The following NEGR1 variants were observed in gnomAD, a reference collection of about 807,000 sequenced individuals.
NEGR1 encodes the protein IgLON family member 4.
In NEGR1, 10 loss-of-function variants were observed where a neutral mutation model predicts 40.9. The ratio of observed to expected loss-of-function variants is 0.24; its 90% CI spans 0.15 to 0.42. The LOEUF (loss-of-function observed/expected upper bound fraction) is 0.42. Among genes scored for constraint, NEGR1 ranks in the 10% least tolerant of loss-of-function variants. The pLI is 1.00. For missense variants in NEGR1, 352 were observed against 438.9 expected, an observed-to-expected ratio of 0.80 and a Z score of 1.77; for synonymous variants, 185 against 166.8, an observed-to-expected ratio of 1.11 and a Z score of -0.84.
Position 71,548,281 on chromosome 1 carries a change from G to A in NEGR1, c.940+44536C>T, listed in dbSNP as rs536985782. ...ATTTTCTGGAGATGGGGCTGATTCTGTAGGCTCAGGGATCCTTTCTGTAGC... is the reference window on the plus strand; with the variant it reads ...ATTTTCTGGAGATGGGGCTGATTCTATAGGCTCAGGGATCCTTTCTGTAGC... On this transcript the variant is annotated intron_variant, in intron 6 of 6. Coordinates refer to ENST00000357731, the MANE Select transcript of NEGR1 (RefSeq NM_173808.3). Among the ~76,000 whole-genome samples, 10 of 151,800 alleles carry A rather than the reference G, an allele frequency of 6.6e-5. No individual in the cohort carries two copies. The South Asian group carries it at 1.9e-3, about 28-fold the overall frequency.
intron 3 of NEGR1, among the ~76,000 whole-genome samples, chr1:71,709,032 T>C (rs1177579095): frequency 2.0e-5 from 3 of 152,196 alleles, no homozygotes; most frequent in African/African-American, 7.2e-5. Context: ...TGCTATTATA[T>C]TATAAACAGT....
intron 3 of NEGR1, among the ~76,000 whole-genome samples, chr1:71,737,083 T>C (rs1226905613): frequency 6.6e-6 from 1 of 152,204 alleles, no homozygotes; most frequent in Non-Finnish European, 1.5e-5. Flanking sequence ...AAAAAAGTTT[T>C]ATGTGTAAAA....
At chr1:71,620,192 A>C (rs936257428) in intron 4 of NEGR1, among the ~76,000 whole-genome samples, 7 of 152,018 alleles carry the variant, frequency 4.6e-5, no homozygotes, top group Admixed American at 2.6e-4. Flanking sequence ...GTTTCATGTT[A>C]AATACTGCAA....
At chr1:71,925,230 G>A (rs113166851) in intron 2 of NEGR1, among the ~76,000 whole-genome samples, 68 of 152,192 alleles carry the variant, frequency 4.5e-4, no homozygotes, top group African/African-American at 1.5e-3. Context: ...TTCCAGAGAA[G>A]GGGTCTACAA....
chr1:71,825,050 T>G (rs1323452781), intron 2 of NEGR1, among the ~76,000 whole-genome samples: 1 of 152,048 alleles, frequency 6.6e-6, no homozygotes, highest in Non-Finnish European at 1.5e-5. Flanking sequence ...CACAGCTGTT[T>G]TCAACTTTAT....
At chr1:71,726,516 A>G (rs1338247109) in intron 3 of NEGR1, among the ~76,000 whole-genome samples, 1 of 152,134 alleles carries the variant, frequency 6.6e-6, no homozygotes, top group Non-Finnish European at 1.5e-5. Flanking sequence ...AGAATTCACA[A>G]GCCCTACATT....
chr1:71,808,493 G>A (rs72678965), intron 2 of NEGR1, among the ~76,000 whole-genome samples: 6,238 of 152,174 alleles, frequency 0.041, 165 homozygotes, highest in Non-Finnish European at 0.057. Context: ...TGAGAAGAGA[G>A]GTTAGGGAGC....
At chr1:71,410,549 A>G (rs1646312922) in intron 6 of NEGR1, among the ~76,000 whole-genome samples, 1 of 152,200 alleles carries the variant, frequency 6.6e-6, no homozygotes, top group Non-Finnish European at 1.5e-5. Flanking sequence ...AGGATTCCCT[A>G]TGGCAGATAA....
intron 1 of NEGR1, among the ~76,000 whole-genome samples, chr1:72,180,703 T>A (rs933997503): frequency 6.6e-6 from 1 of 152,020 alleles, no homozygotes; most frequent in African/African-American, 2.4e-5. Context: ...AAAAGATATA[T>A]GAAAAAGTGC....
At chr1:72,234,356 G>A (rs955022552) in intron 1 of NEGR1, among the ~76,000 whole-genome samples, 19 of 152,008 alleles carry the variant, frequency 1.2e-4, no homozygotes, top group South Asian at 2.1e-4. Flanking sequence ...TTCTGGACAC[G>A]TGAACTGGCA....
At chr1:72,274,647 G>T (rs1655975231) in intron 1 of NEGR1, 2 of 856,456 alleles carry the variant, frequency 2.3e-6, no homozygotes, top group Non-Finnish European at 4.1e-6. Flanking sequence ...GATTTGCAAG[G>T]CTAAGTGCTA....
intron 6 of NEGR1, among the ~76,000 whole-genome samples, chr1:71,523,906 G>C (rs147777217): frequency 1.8e-4 from 27 of 151,942 alleles, no homozygotes; most frequent in African/African-American, 5.8e-4. Context: ...TCTGGGCTAG[G>C]AGGACTGACA....
intron 6 of NEGR1, among the ~76,000 whole-genome samples, chr1:71,541,908 T>C (rs1453908332): frequency 6.6e-6 from 1 of 151,824 alleles, no homozygotes; most frequent in Non-Finnish European, 1.5e-5. Context: ...CAGATTATTC[T>C]GGACTTATTT....
At chr1:71,942,472 TATATATATATA>T (rs1462312715) in intron 1 of NEGR1, among the ~76,000 whole-genome samples, 2 of 14,680 alleles carry the variant, frequency 1.4e-4, no homozygotes, top group South Asian at 3.2e-3. Context: ...TATATATATA[TATATATATATA>T]TTTTTTTTTT....
At chr1:71,845,804 T>C (rs545509820) in intron 2 of NEGR1, among the ~76,000 whole-genome samples, 10 of 151,994 alleles carry the variant, frequency 6.6e-5, no homozygotes, top group Non-Finnish European at 1.5e-4. Context: ...GTGTCACTCA[T>C]GCTGAAGTGC....
At chr1:71,879,646 T>C (rs1254720658) in intron 2 of NEGR1, among the ~76,000 whole-genome samples, 1 of 152,180 alleles carries the variant, frequency 6.6e-6, no homozygotes, top group Non-Finnish European at 1.5e-5. Flanking sequence ...ACATTACAGA[T>C]AATTTTTTTC....
At chr1:71,872,331 G>T (rs775757045) in intron 2 of NEGR1, among the ~76,000 whole-genome samples, 1 of 152,068 alleles carries the variant, frequency 6.6e-6, no homozygotes, top group Non-Finnish European at 1.5e-5. Context: ...CTAAGACATG[G>T]TTCTATAGAC....
chr1:71,609,406 T>C (rs1236996543), intron 5 of NEGR1, among the ~76,000 whole-genome samples: 1 of 149,962 alleles, frequency 6.7e-6, no homozygotes, highest in East Asian at 2.0e-4. Flanking sequence ...TCCCAGCTAC[T>C]TGGGAGGCTG....
chr1:71,770,230 C>A (rs550517070), intron 3 of NEGR1, among the ~76,000 whole-genome samples: 2 of 152,290 alleles, frequency 1.3e-5, no homozygotes, highest in South Asian at 4.1e-4. Context: ...AGCCATAGGA[C>A]AACTACCCTC....
Sources: gnomAD v4.1 joint callset for allele counts (sites outside exome capture counted in the v4.1 genomes callset) on GRCh38, gnomAD v4.1.1 for gene constraint, MANE v1.5 for transcripts, NCBI Gene and HGNC (gene_info 2026-07-23, HGNC 2026-07-21) for gene names.